The following MDGA2 variants were observed in gnomAD, a reference collection of about 807,000 sequenced individuals.
MDGA2 encodes MAM domain-containing glycosylphosphatidylinositol anchor protein 2.
A neutral mutation model predicts 117.8 loss-of-function variants in MDGA2; 40 were observed. That is an observed-to-expected ratio of 0.34 (90% CI 0.26 to 0.44). The LOEUF (loss-of-function observed/expected upper bound fraction) is 0.44, where lower values mean the gene tolerates loss of function less well. Among genes scored for constraint, MDGA2 ranks in the 20% least tolerant of loss-of-function variants. MDGA2 has a pLI of 1.00. For synonymous variants in MDGA2, 452 were observed against 439.0 expected (o/e 1.03, Z -0.37); for missense variants, 1,123 against 1,250.6 (o/e 0.90, Z 1.54).
intron 1 of MDGA2, among the ~76,000 whole-genome samples, chr14:47,484,021 TAAG>T (rs1030204603): frequency 6.6e-6 from 1 of 152,204 alleles, no homozygotes; most frequent in African/African-American, 2.4e-5. Context: ...GTTTTAAAAA[TAAG>T]TTTTGTCTAA....
chr14:47,629,155 T>C (rs1413647193), intron 1 of MDGA2, among the ~76,000 whole-genome samples: 3 of 152,072 alleles, frequency 2.0e-5, no homozygotes, highest in Non-Finnish European at 4.4e-5. Context: ...AAAAAAACAT[T>C]AGGGTTGTAT....
At chr14:47,059,258 C>T in intron 7 of MDGA2, 1 of 1,146,394 alleles carries the variant, frequency 8.7e-7, no homozygotes, top group South Asian at 1.3e-5. Flanking sequence ...CAGACAAAGT[C>T]TCAGACTTTG....
chr14:47,221,625 T>A (rs1340978719), intron 2 of MDGA2, among the ~76,000 whole-genome samples: 1 of 150,458 alleles, frequency 6.6e-6, no homozygotes, highest in Non-Finnish European at 1.5e-5. Flanking sequence ...GAGGCAGAGC[T>A]TGCAGTGAGC....
chr14:47,036,383 T>C (rs900258721), intron 7 of MDGA2, among the ~76,000 whole-genome samples: 1 of 152,172 alleles, frequency 6.6e-6, no homozygotes, highest in African/African-American at 2.4e-5. Flanking sequence ...ACTTACTTTA[T>C]TGTGCTGAAA....
At chr14:46,854,015 T>C (rs2138297345) in intron 15 of MDGA2, among the ~76,000 whole-genome samples, 1 of 151,920 alleles carries the variant, frequency 6.6e-6, no homozygotes, top group Middle Eastern at 3.4e-3. Context: ...CCAGTCTTAC[T>C]CTCTGATTGT....
intron 5 of MDGA2, among the ~76,000 whole-genome samples, chr14:47,102,455 T>TA (rs565638163): frequency 9.2e-4 from 139 of 151,902 alleles, no homozygotes; most frequent in African/African-American, 3.1e-3. Context: ...ACGCCAATTT[T>TA]AAAATGCTCA....
At chr14:46,862,650 G>A (rs900232041) in intron 14 of MDGA2, among the ~76,000 whole-genome samples, 1 of 151,852 alleles carries the variant, frequency 6.6e-6, no homozygotes, top group African/African-American at 2.4e-5. Flanking sequence ...TCTGAGGTCT[G>A]GAGATCACTT....
At position 47,255,256 on chromosome 14, in the gene MDGA2, A is replaced by G. The variant is rs537365943; in HGVS notation, c.421-37061T>C. Reference sequence around the variant, plus strand: ...TACCAAATTTTAGGCAAAGCGTGGTAGTATGAAGGAAAACAGTATCTCAGA... The same window carrying G: ...TACCAAATTTTAGGCAAAGCGTGGTGGTATGAAGGAAAACAGTATCTCAGA... On this transcript the variant is annotated intron_variant, in intron 2 of 16. Coordinates refer to ENST00000399232, the MANE Select transcript of MDGA2 (RefSeq NM_001113498.3). Among the ~76,000 whole-genome samples, 34 of 152,362 alleles carry G rather than the reference A, an allele frequency of 2.2e-4. No individual in the cohort carries two copies. In the South Asian group the frequency reaches 6.6e-3, roughly 30 times the overall value.
Position 47,536,923 on chromosome 14 carries a change from T to C in MDGA2, c.280+137594A>G, listed in dbSNP as rs530051931. 2.6e-4 allele frequency among the ~76,000 whole-genome samples: 39 copies of C among 152,318 alleles called. 1 individual carries two copies. The Middle Eastern group carries it at 0.01, about 40-fold the overall frequency. On this transcript the variant is annotated intron_variant, in intron 1 of 16. Transcript: ENST00000399232. Reference sequence around the variant, plus strand: ...GTCCAATTTCCCTAAATGTATGACCTTGCCTTAAAGTTAGCCACATAACAA... The same window carrying C: ...GTCCAATTTCCCTAAATGTATGACCCTGCCTTAAAGTTAGCCACATAACAA...
chr14:46,986,012 A>G (rs935462109), intron 8 of MDGA2, among the ~76,000 whole-genome samples: 2 of 152,064 alleles, frequency 1.3e-5, no homozygotes, highest in Non-Finnish European at 2.9e-5. Context: ...AGAGGCAAAC[A>G]TAAGGAGTGT....
chr14:46,915,018 A>G (rs1034481844), intron 10 of MDGA2, among the ~76,000 whole-genome samples: 1 of 152,190 alleles, frequency 6.6e-6, no homozygotes, highest in Non-Finnish European at 1.5e-5. Context: ...TTAAAAATGT[A>G]TATTGCTTAG....
intron 3 of MDGA2, among the ~76,000 whole-genome samples, chr14:47,204,441 T>G (rs1466716257): frequency 2.0e-5 from 3 of 152,036 alleles, no homozygotes; most frequent in Admixed American, 1.3e-4. Context: ...ATCTTCTCTG[T>G]CAAAAGGTTA....
intron 3 of MDGA2, among the ~76,000 whole-genome samples, chr14:47,194,031 T>C (rs1341463736): frequency 6.6e-6 from 1 of 152,188 alleles, no homozygotes; most frequent in Non-Finnish European, 1.5e-5. Flanking sequence ...TGCAGCACTA[T>C]AACTCAAAGA....
At chr14:46,906,374 A>G (rs1256947103) in intron 10 of MDGA2, among the ~76,000 whole-genome samples, 1 of 152,096 alleles carries the variant, frequency 6.6e-6, no homozygotes, top group Non-Finnish European at 1.5e-5. Context: ...AGGAAGTAAT[A>G]GTTGGGACCA....
At chr14:47,574,496 T>C (rs1234186156) in intron 1 of MDGA2, among the ~76,000 whole-genome samples, 1 of 152,192 alleles carries the variant, frequency 6.6e-6, no homozygotes, top group Non-Finnish European at 1.5e-5. Flanking sequence ...AATTTTCAAA[T>C]ATTCTTTTTG....
intron 1 of MDGA2, among the ~76,000 whole-genome samples, chr14:47,485,955 G>A (rs1894051817): frequency 6.6e-6 from 1 of 152,218 alleles, no homozygotes; most frequent in Non-Finnish European, 1.5e-5. Context: ...CTAGGGCAGT[G>A]TGGAAGGGAA....
chr14:46,984,520 T>C (rs1391323637), intron 8 of MDGA2, among the ~76,000 whole-genome samples: 1 of 152,012 alleles, frequency 6.6e-6, no homozygotes, highest in Non-Finnish European at 1.5e-5. Flanking sequence ...TCAGTGCAAT[T>C]ATATCAAAAT....
At chr14:47,024,920 G>A (rs552812872) in intron 8 of MDGA2, among the ~76,000 whole-genome samples, 2 of 152,180 alleles carry the variant, frequency 1.3e-5, no homozygotes, top group African/African-American at 4.8e-5. Context: ...AAGGTAGATT[G>A]AAATGATTTC....
intron 1 of MDGA2, among the ~76,000 whole-genome samples, chr14:47,431,647 A>C (rs781362110): frequency 3.3e-5 from 5 of 152,082 alleles, no homozygotes; most frequent in Non-Finnish European, 7.4e-5. Flanking sequence ...TTTCCTTTGC[A>C]CAAATGAGGG....
Sources: allele counts gnomAD v4.1 joint callset (sites outside exome capture counted in the v4.1 genomes callset), GRCh38; gene constraint gnomAD v4.1.1; transcripts MANE v1.5; gene names NCBI Gene and HGNC (gene_info 2026-07-23, HGNC 2026-07-21).